Variants in PCSK5 observed in about 807,000 individuals in gnomAD.
PCSK5 encodes proprotein convertase subtilisin/kexin type 5.
In PCSK5, 129 loss-of-function variants were observed where a neutral mutation model predicts 233.2. The ratio of observed to expected loss-of-function variants is 0.55; its 90% CI spans 0.48 to 0.64. The LOEUF is 0.64. PCSK5 is among the 30% of genes least tolerant of loss of function. The pLI is 0.00. For missense variants in PCSK5, 2,076 were observed against 2,430.1 expected, an observed-to-expected ratio of 0.85 and a Z score of 3.06; for synonymous variants, 825 against 879.2, an observed-to-expected ratio of 0.94 and a Z score of 1.09.
At position 76,341,491 on chromosome 9, in the gene PCSK5, G is replaced by A. The variant is rs533557041; in HGVS notation, c.4966+3044G>A. ...TTATAATTAATAGAGACGATGTCTC[G>A]CCATGTTGCCCAGGCTGATCTTGAA... On this transcript the variant is annotated intron_variant, in intron 35 of 37. Coordinates refer to ENST00000674117, the MANE Select transcript of PCSK5 (RefSeq NM_001372043.1). 5.3e-5 allele frequency among the ~76,000 whole-genome samples: 8 copies of A among 151,804 alleles called. No individual in the cohort carries two copies. In the East Asian group the frequency reaches 5.8e-4, roughly 11 times the overall value.
intron 25 of PCSK5, among the ~76,000 whole-genome samples, chr9:76,293,458 T>G (rs1328128759): frequency 1.3e-5 from 2 of 152,206 alleles, no homozygotes; most frequent in Non-Finnish European, 2.9e-5. Flanking sequence ...TTTTTTTTGT[T>G]TGTTTGTTTT....
chr9:76,025,356 G>A lies in PCSK5; in HGVS notation c.555+1475G>A, dbSNP rs186147803. On this transcript the variant is annotated intron_variant, in intron 4 of 37. Coordinates refer to ENST00000674117, the MANE Select transcript of PCSK5 (RefSeq NM_001372043.1). Reference sequence around the variant, plus strand: ...GAGCTCAGTAGTTTGAGACCAGCCTGGAAAACAGCAAGACCTCATCTCTAA... The same window carrying A: ...GAGCTCAGTAGTTTGAGACCAGCCTAGAAAACAGCAAGACCTCATCTCTAA... 2.5e-3 allele frequency among the ~76,000 whole-genome samples: 372 copies of A among 151,710 alleles called. 1 individual carries two copies. Among genetic ancestry groups the A allele is most frequent in the Middle Eastern group, 0.01 (3 of 294 alleles).
chr9:76,261,832 C>G (rs1280941202), intron 24 of PCSK5, among the ~76,000 whole-genome samples: 1 of 152,162 alleles, frequency 6.6e-6, no homozygotes. Flanking sequence ...TATAAAAATG[C>G]TTGTGATTTT....
intron 7 of PCSK5, among the ~76,000 whole-genome samples, chr9:76,083,683 A>G (rs964120428): frequency 2.0e-5 from 3 of 152,252 alleles, no homozygotes; most frequent in African/African-American, 4.8e-5. Flanking sequence ...TGCCTTTTCA[A>G]TTCACCAGAT....
chr9:75,958,959 A>G (rs1245826852), intron 2 of PCSK5, among the ~76,000 whole-genome samples: 1 of 152,216 alleles, frequency 6.6e-6, no homozygotes, highest in East Asian at 1.9e-4. Flanking sequence ...ATTGTGGCAC[A>G]CTGGCCTTCC....
At chr9:76,124,724 C>T (rs1031152935) in intron 9 of PCSK5, among the ~76,000 whole-genome samples, 6 of 128,768 alleles carry the variant, frequency 4.7e-5, no homozygotes, top group Admixed American at 9.5e-5. Context: ...TCCAGCCTGG[C>T]GACAGAGCAA....
chr9:76,308,538 CT>C, intron 28 of PCSK5, 106 bp from the exon 29 acceptor site: 1 of 708,682 alleles, frequency 1.4e-6, no homozygotes, highest in Non-Finnish European at 2.5e-6. Flanking sequence ...AGGATTCCAT[CT>C]GGGGCAGGAA....
At chr9:75,957,536 A>G (rs942912543) in intron 2 of PCSK5, among the ~76,000 whole-genome samples, 1 of 152,180 alleles carries the variant, frequency 6.6e-6, no homozygotes, top group Non-Finnish European at 1.5e-5. Context: ...TTTTCTGACA[A>G]AAACATAGTT....
intron 21 of PCSK5, among the ~76,000 whole-genome samples, chr9:76,232,246 A>T (rs1423689826): frequency 6.6e-6 from 1 of 152,198 alleles, no homozygotes; most frequent in Non-Finnish European, 1.5e-5. Context: ...GGAGTAGTAG[A>T]GAGAAAAAGA....
At position 76,040,591 on chromosome 9, in the gene PCSK5, C is replaced by G. The variant is rs72735312; in HGVS notation, c.632+13554C>G. ...AGATTAAATGTCATTACCAGTGCCC[C>G]CTTTTTGCAGAGGAAGAAAGTAAAA... On this transcript the variant is annotated intron_variant, in intron 5 of 37. Transcript: ENST00000674117. Among the ~76,000 whole-genome samples, 62 of 152,216 alleles carry G rather than the reference C, an allele frequency of 4.1e-4. 1 individual carries two copies. Among genetic ancestry groups the G allele is most frequent in the Non-Finnish European group, 7.6e-4 (52 of 68,016 alleles).
intron 3 of PCSK5, among the ~76,000 whole-genome samples, chr9:76,001,489 T>TTG (rs774193432): frequency 7.0e-6 from 1 of 143,096 alleles, no homozygotes; most frequent in Non-Finnish European, 1.6e-5. Context: ...TTTTTTTTTT[T>TTG]GCCAACATAG....
intron 28 of PCSK5, among the ~76,000 whole-genome samples, chr9:76,304,408 G>A (rs1828711638): frequency 6.6e-6 from 1 of 152,216 alleles, no homozygotes; most frequent in Non-Finnish European, 1.5e-5. Context: ...CACAGAAGCT[G>A]AGCAGGCCAC....
chr9:75,937,578 G>A (rs1307705223), intron 2 of PCSK5, among the ~76,000 whole-genome samples: 2 of 152,180 alleles, frequency 1.3e-5, no homozygotes, highest in African/African-American at 2.4e-5. Flanking sequence ...CCCCTAACAC[G>A]AGAGGTATCC....
rs147273947 is a variant in PCSK5 at position 75,891,273 on chromosome 9, G to A, written c.92G>A (p.Arg31Gln). ...LLGGCLLPVC[R>Q]TRVYTNHWAV... ...GGGGGCTGCCTGCTCCCCGTGTGTC[G>A]GACGCGCGTCTACACCAACCACTGG... Residue 31 changes from arginine (R) to glutamine (Q), a missense_variant, in exon 1 of 38, where the codon CGG becomes CAG. Coordinates refer to ENST00000674117, the MANE Select transcript of PCSK5 (RefSeq NM_001372043.1). The A allele has an allele frequency of 7.9e-4, 1,214 of 1,529,984 alleles. No homozygotes were observed. The highest frequency in any genetic ancestry group is 1.1e-3 in the Admixed American group (47 of 41,044). The allele number at this position is 1,529,984 out of a possible 1,614,324, so 94.8% of individuals were successfully genotyped here.
chr9:75,930,851 T>A (rs559227947), intron 1 of PCSK5, among the ~76,000 whole-genome samples: 1 of 152,184 alleles, frequency 6.6e-6, no homozygotes, highest in African/African-American at 2.4e-5. Context: ...ATTCTACCCT[T>A]AGTCCTCTGG....
chr9:76,209,238 CTTTT>C (rs1039854357), intron 20 of PCSK5, among the ~76,000 whole-genome samples: 3 of 152,174 alleles, frequency 2.0e-5, no homozygotes, highest in Non-Finnish European at 2.9e-5. Context: ...ACACACCTTT[CTTTT>C]GAGTTATATT....
At chr9:76,282,490 C>A (rs1023232099) in intron 24 of PCSK5, among the ~76,000 whole-genome samples, 14 of 149,150 alleles carry the variant, frequency 9.4e-5, no homozygotes, top group African/African-American at 3.2e-4. Flanking sequence ...CAGCTGATAT[C>A]TATTTTTTGT....
At chr9:75,898,044 C>T (rs1455412740) in intron 1 of PCSK5, among the ~76,000 whole-genome samples, 1 of 152,192 alleles carries the variant, frequency 6.6e-6, no homozygotes, top group East Asian at 1.9e-4. Flanking sequence ...AACAGCTGAA[C>T]ACTTTTTGTA....
At chr9:76,040,734 T>C (rs1399172652) in intron 5 of PCSK5, among the ~76,000 whole-genome samples, 2 of 152,182 alleles carry the variant, frequency 1.3e-5, no homozygotes, top group Non-Finnish European at 2.9e-5. Flanking sequence ...CTGAACATAG[T>C]GTTTATAAGC....
Sources: allele counts gnomAD v4.1 joint callset (sites outside exome capture counted in the v4.1 genomes callset), GRCh38; gene constraint gnomAD v4.1.1; transcripts MANE v1.5; gene names NCBI Gene and HGNC (gene_info 2026-07-23, HGNC 2026-07-21).